GNG7: variants seen among roughly 807,000 people sequenced by gnomAD.
GNG7 encodes G protein subunit gamma 7.
In GNG7, 1 loss-of-function variant was observed where a neutral mutation model predicts 4.0. The ratio of observed to expected loss-of-function variants is 0.25; its 90% CI spans 0.09 to 1.18. The LOEUF (loss-of-function observed/expected upper bound fraction) is 1.18. GNG7 is among the 50% of genes most tolerant of loss of function. GNG7 has a pLI of 0.50. For synonymous variants in GNG7, 34 were observed against 36.9 expected (o/e 0.92, Z 0.29); for missense variants, 86 against 91.9 (o/e 0.94, Z 0.26).
intron 4 of GNG7, among the ~76,000 whole-genome samples, chr19:2,516,314 C>A (rs1341480879): frequency 6.6e-6 from 1 of 151,882 alleles, no homozygotes; most frequent in African/African-American, 2.4e-5. Flanking sequence ...ATCTCTTGCT[C>A]CCCGGGTTCA....
At chr19:2,572,493 C>T (rs1980178160) in intron 2 of GNG7, among the ~76,000 whole-genome samples, 1 of 151,728 alleles carries the variant, frequency 6.6e-6, no homozygotes. Context: ...GTGCAGTGGC[C>T]TGATCTCGGC....
chr19:2,619,670 G>A (rs1368886064), intron 2 of GNG7, among the ~76,000 whole-genome samples: 1 of 152,156 alleles, frequency 6.6e-6, no homozygotes, highest in Non-Finnish European at 1.5e-5. Flanking sequence ...CAGAGACAGA[G>A]GGCCACGCAG....
chr19:2,661,215 A>G (rs1348133873), intron 1 of GNG7, among the ~76,000 whole-genome samples: 1 of 149,328 alleles, frequency 6.7e-6, no homozygotes, highest in Non-Finnish European at 1.5e-5. Context: ...CTGTCTCAAA[A>G]AAAAAAAAAA....
chr19:2,511,746 G>C lies in GNG7; in HGVS notation c.*3276C>G. ...CGTCAAAGGGACCACGCAGAAGGAGGGAAACAGGAGCACCTTCCGCCCTGG... is the reference window on the plus strand; with the variant it reads ...CGTCAAAGGGACCACGCAGAAGGAGCGAAACAGGAGCACCTTCCGCCCTGG... On this transcript the variant is annotated 3_prime_UTR_variant, in exon 5 of 5. Coordinates refer to ENST00000382159, the MANE Select transcript of GNG7 (RefSeq NM_052847.3). This position sits in a 1 kb window ranked among gnomAD's most constrained non-coding sequence, Gnocchi z 6.3. 1 of 945,954 alleles carries C rather than the reference G, an allele frequency of 1.1e-6. No individual in the cohort carries two copies. Among genetic ancestry groups the C allele is most frequent in the Non-Finnish European group, 1.3e-6 (1 of 793,586 alleles). 58.6% of individuals were successfully genotyped at this position (945,954 alleles called of 1,614,324 possible).
intron 1 of GNG7, among the ~76,000 whole-genome samples, chr19:2,656,545 C>A (rs932140116): frequency 6.6e-6 from 1 of 151,666 alleles, no homozygotes. Context: ...GGTTGCAGTG[C>A]GCCAAGATCA....
intron 1 of GNG7, among the ~76,000 whole-genome samples, chr19:2,651,349 TCCCTCCCTCCCTTCCCTCCATCCC>T (rs1982818847): frequency 1.7e-4 from 4 of 22,892 alleles, no homozygotes; most frequent in South Asian, 3.2e-3. Context: ...CCTCCATCCC[TCCCTCCCTCCCTTCCCTCCATCCC>T]TCCCTCCCTC....
chr19:2,602,383 C>T (rs1346458319), intron 2 of GNG7, among the ~76,000 whole-genome samples: 21 of 152,212 alleles, frequency 1.4e-4, no homozygotes, highest in Admixed American at 1.4e-3. Flanking sequence ...CTGCGGGCTG[C>T]GTCCTCTGCA....
At position 2,661,302 on chromosome 19, in the gene GNG7, G is replaced by GAGAAAGAAAGAA. The variant is rs71179906; in HGVS notation, c.-134-15034_-134-15023dup. Among the ~76,000 whole-genome samples the GAGAAAGAAAGAA allele has an allele frequency of 8.3e-3, 605 of 73,038 alleles. 17 individuals are homozygous for GAGAAAGAAAGAA. Among genetic ancestry groups the GAGAAAGAAAGAA allele is most frequent in the Admixed American group, 0.019 (126 of 6,550 alleles). 47.9% of individuals were successfully genotyped at this position (73,038 alleles called of 152,430 possible). On this transcript the variant is annotated intron_variant, in intron 1 of 4. Transcript: ENST00000382159. ...AGAAAGAAAGAAAGAAAGAAAGAAA[G>GAGAAAGAAAGAA]AGAAAGAAAGAAAGAAAGAAAGAAA... is the stretch of plus-strand genomic sequence containing the variant.
intron 2 of GNG7, among the ~76,000 whole-genome samples, chr19:2,628,920 G>A (rs186271184): frequency 1.6e-4 from 25 of 152,270 alleles, no homozygotes; most frequent in African/African-American, 4.6e-4. Flanking sequence ...ACACCCCATC[G>A]TATTCGCAGG....
At chr19:2,559,351 C>CTTTTTTTT (rs551861647) in intron 2 of GNG7, among the ~76,000 whole-genome samples, 1 of 130,256 alleles carries the variant, frequency 7.7e-6, no homozygotes, top group Non-Finnish European at 1.6e-5. Flanking sequence ...TTCTGTGTGT[C>CTTTTTTTT]TTTTTTTTTT....
At chr19:2,524,731 C>T (rs1568231367) in intron 3 of GNG7, among the ~76,000 whole-genome samples, 1 of 151,834 alleles carries the variant, frequency 6.6e-6, no homozygotes, top group Admixed American at 6.6e-5. Context: ...CCAGTGTGCA[C>T]GTGTGTATGT....
At chr19:2,577,718 A>G (rs2144787911) in intron 2 of GNG7, among the ~76,000 whole-genome samples, 1 of 130,192 alleles carries the variant, frequency 7.7e-6, no homozygotes, top group East Asian at 2.3e-4. Context: ...AAAAAAAAAA[A>G]AAAATCAGCG....
chr19:2,642,051 G>C, intron 2 of GNG7: 1 of 154,496 alleles, frequency 6.5e-6, no homozygotes, highest in Non-Finnish European at 1.4e-5. Context: ...TGTTACGTCT[G>C]GGGCAGGAGG....
At chr19:2,590,639 GTCCA>G (rs1980820905) in intron 2 of GNG7, among the ~76,000 whole-genome samples, 1 of 67,480 alleles carries the variant, frequency 1.5e-5, no homozygotes, top group African/African-American at 5.9e-5. Flanking sequence ...CCATCCATCC[GTCCA>G]CCCACCTATC....
intron 2 of GNG7, among the ~76,000 whole-genome samples, chr19:2,589,354 C>G (rs1269670241): frequency 6.9e-6 from 1 of 144,552 alleles, no homozygotes. Flanking sequence ...TCCCAGGTAG[C>G]TGGGACTACA....
intron 3 of GNG7, among the ~76,000 whole-genome samples, chr19:2,544,687 G>T (rs1979068012): frequency 6.6e-6 from 1 of 152,174 alleles, no homozygotes; most frequent in Non-Finnish European, 1.5e-5. Context: ...CACCGTGCTG[G>T]GCCAACAGTG....
intron 2 of GNG7, among the ~76,000 whole-genome samples, chr19:2,615,876 T>G (rs1448606823): frequency 6.6e-6 from 1 of 152,134 alleles, no homozygotes; most frequent in African/African-American, 2.4e-5. Flanking sequence ...TCCCTAAGAT[T>G]GTGCACCCAC....
chr19:2,556,040 C>G lies in GNG7; in HGVS notation c.-77-852G>C, dbSNP rs539056273. ...GATCCAGGCAGCGATCTGCCCCCTC[C>G]AGCTTCGCGGCAGCCTCCTATTTCG... On this transcript the variant is annotated intron_variant, in intron 2 of 4. Transcript: ENST00000382159. 3.3e-5 allele frequency among the ~76,000 whole-genome samples: 5 copies of G among 152,370 alleles called. No homozygotes were observed. In the South Asian group the frequency reaches 1.0e-3, roughly 32 times the overall value.
At position 2,547,848 on chromosome 19, in the gene GNG7, C is replaced by T. The variant is rs865840218; in HGVS notation, c.-38+7301G>A. ...AGCCCTCGGATGTGAAGTGCCTGCC[C>T]CACCTCCATCCATAGCAGGTGCTGC... On this transcript the variant is annotated intron_variant, in intron 3 of 4. Transcript: ENST00000382159. 9.2e-5 allele frequency among the ~76,000 whole-genome samples: 14 copies of T among 152,186 alleles called. No homozygotes were observed. In the South Asian group the frequency reaches 1.7e-3, roughly 18 times the overall value.
Sources: allele counts gnomAD v4.1 joint callset (sites outside exome capture counted in the v4.1 genomes callset), GRCh38; gene constraint gnomAD v4.1.1; non-coding constraint Gnocchi (gnomAD v3.1); transcripts MANE v1.5; gene names NCBI Gene and HGNC (gene_info 2026-07-23, HGNC 2026-07-21).